The following CACNA2D2 variants were observed in gnomAD, a reference collection of about 807,000 sequenced individuals.
The protein encoded by CACNA2D2 is voltage-dependent calcium channel subunit alpha-2/delta-2.
A neutral mutation model predicts 166.4 loss-of-function variants in CACNA2D2; 48 were observed. That is an observed-to-expected ratio of 0.29 (90% CI 0.23 to 0.37). The LOEUF (loss-of-function observed/expected upper bound fraction) is 0.37, where lower values mean the gene tolerates loss of function less well. Among genes scored for constraint, CACNA2D2 ranks in the 10% least tolerant of loss-of-function variants. CACNA2D2 has a pLI of 1.00. For synonymous variants in CACNA2D2, 561 were observed against 573.7 expected (o/e 0.98, Z 0.32); for missense variants, 1,122 against 1,433.0 (o/e 0.78, Z 3.50).
At chr3:50,444,698 G>A (rs1575696183) in intron 2 of CACNA2D2, among the ~76,000 whole-genome samples, 1 of 152,222 alleles carries the variant, frequency 6.6e-6, no homozygotes, top group East Asian at 1.9e-4. Context: ...ATCACAGTAA[G>A]AGGTGCTGCT....
At chr3:50,465,994 T>C (rs904108174) in intron 2 of CACNA2D2, among the ~76,000 whole-genome samples, 3 of 152,184 alleles carry the variant, frequency 2.0e-5, no homozygotes, top group African/African-American at 7.2e-5. Flanking sequence ...AATGAGGCTC[T>C]GGCTCCTTGC....
chr3:50,503,053 G>A (rs1174263430), intron 1 of CACNA2D2, among the ~76,000 whole-genome samples, 165 bp downstream of exon 1: 1 of 152,160 alleles, frequency 6.6e-6, no homozygotes, highest in Non-Finnish European at 1.5e-5. Flanking sequence ...CCGGGACCGC[G>A]GCTGCCAGCC....
At position 50,431,193 on chromosome 3, in the gene CACNA2D2, T is replaced by C. The variant is rs41311613; in HGVS notation, c.405+3120A>G. Among the ~76,000 whole-genome samples the C allele has an allele frequency of 4.8e-3, 736 of 152,212 alleles. 3 individuals carry two copies. The highest frequency in any genetic ancestry group is 7.7e-3 in the Non-Finnish European group (526 of 68,018). On this transcript the variant is annotated intron_variant, in intron 3 of 37. Coordinates refer to ENST00000424201, the MANE Select transcript of CACNA2D2 (RefSeq NM_006030.4). ...CAGTCCCCCAACAGCCCTCCCTCCA[T>C]ATACACTCAGACTGCAAACAAATGT...
At chr3:50,434,868 C>T (rs1708238726) in intron 2 of CACNA2D2, among the ~76,000 whole-genome samples, 1 of 152,260 alleles carries the variant, frequency 6.6e-6, no homozygotes, top group African/African-American at 2.4e-5. Context: ...AAAGAAGATG[C>T]TCACGCCCAT....
intron 2 of CACNA2D2, among the ~76,000 whole-genome samples, chr3:50,463,938 CTG>C (rs1709703260): frequency 6.6e-6 from 1 of 152,234 alleles, no homozygotes; most frequent in Non-Finnish European, 1.5e-5. Flanking sequence ...CCCAGCGCAC[CTG>C]GCTCCTCAGA....
chr3:50,370,244 A>G (rs1485020375), intron 23 of CACNA2D2, 76 bp downstream of exon 23: 15 of 970,522 alleles, frequency 1.5e-5, no homozygotes, highest in South Asian at 1.1e-4. Flanking sequence ...ACAGAGCTCC[A>G]GGCAGCAGTG....
At chr3:50,440,704 C>CCCCCA (rs1392635978) in intron 2 of CACNA2D2, among the ~76,000 whole-genome samples, 1 of 152,100 alleles carries the variant, frequency 6.6e-6, no homozygotes, top group Non-Finnish European at 1.5e-5. Context: ...GCACTATCCT[C>CCCCCA]CCCCACCCCC....
chr3:50,490,452 A>G (rs957424228), intron 1 of CACNA2D2, among the ~76,000 whole-genome samples: 2 of 149,754 alleles, frequency 1.3e-5, no homozygotes, highest in Non-Finnish European at 2.9e-5. Context: ...CTCCCACCCC[A>G]TTAAATAATA....
intron 2 of CACNA2D2, among the ~76,000 whole-genome samples, chr3:50,448,135 C>G (rs1708938859): frequency 1.3e-5 from 2 of 152,186 alleles, no homozygotes; most frequent in Admixed American, 1.3e-4. Flanking sequence ...AGGTGGCAAC[C>G]ATGTGGCTCC....
chr3:50,432,702 G>A (rs1389510654), intron 3 of CACNA2D2, among the ~76,000 whole-genome samples: 1 of 152,238 alleles, frequency 6.6e-6, no homozygotes, highest in Admixed American at 6.5e-5. Context: ...CCTGAAGGGT[G>A]GGTGGAGCCC....
chr3:50,385,288 G>A (rs889044687), intron 5 of CACNA2D2, among the ~76,000 whole-genome samples: 70 of 152,234 alleles, frequency 4.6e-4, no homozygotes, highest in African/African-American at 1.6e-3. Context: ...AGCAAAGCTC[G>A]GGGGCTTCCT....
At chr3:50,397,769 C>T (rs1466156729) in intron 3 of CACNA2D2, among the ~76,000 whole-genome samples, 2 of 152,216 alleles carry the variant, frequency 1.3e-5, no homozygotes, top group African/African-American at 2.4e-5. Context: ...TTAGCCCTAT[C>T]AGACTGTGTT....
intron 1 of CACNA2D2, among the ~76,000 whole-genome samples, chr3:50,491,777 G>C (rs965999546): frequency 6.6e-6 from 1 of 152,170 alleles, no homozygotes; most frequent in Non-Finnish European, 1.5e-5. Flanking sequence ...CTGACCCTTG[G>C]ACAGCCCCAG....
intron 2 of CACNA2D2, among the ~76,000 whole-genome samples, chr3:50,450,399 G>A (rs1239567464): frequency 6.7e-6 from 1 of 150,334 alleles, no homozygotes; most frequent in Non-Finnish European, 1.5e-5. Flanking sequence ...TCTCCCAGGA[G>A]CTGCTAATTC....
chr3:50,416,802 G>A (rs977757236), intron 3 of CACNA2D2, among the ~76,000 whole-genome samples: 1 of 152,246 alleles, frequency 6.6e-6, no homozygotes, highest in Non-Finnish European at 1.5e-5. Flanking sequence ...TCTAGGTGCA[G>A]AGGTGAGGCA....
chr3:50,378,061 C>T lies in CACNA2D2; in HGVS notation c.1426G>A (p.Ala476Thr). 6.2e-7 allele frequency: 1 copy of T among 1,613,678 alleles called. No individual in the cohort carries two copies. Among genetic ancestry groups the T allele is most frequent in the Non-Finnish European group, 8.5e-7 (1 of 1,180,012 alleles). ...LDVLGRPMVL[A>T]GKEAKQVQWT... ...TGCACCTGCTTGGCCTCCTTGCCTG[C>T]CAGCACCATGGGCCTGCCCAACACA... Residue 476 changes from alanine (A) to threonine (T), a missense_variant, in exon 15 of 38, where the codon GCA (alanine) becomes ACA (threonine). Physicochemically the swap from Ala to Thr is moderately conservative, Grantham distance 58 (BLOSUM62 0). This residue lies in a region of CACNA2D2 where 840 missense variants were observed against 1,166.8 expected (regional missense o/e 0.72). Coordinates refer to ENST00000424201, the MANE Select transcript of CACNA2D2 (RefSeq NM_006030.4).
At chr3:50,477,172 G>A (rs911855982) in intron 1 of CACNA2D2, among the ~76,000 whole-genome samples, 9 of 151,588 alleles carry the variant, frequency 5.9e-5, no homozygotes, top group Admixed American at 5.3e-4. Flanking sequence ...CTTGTGATCC[G>A]CCTGTCTCAG....
chr3:50,431,769 G>A (rs147034076), intron 3 of CACNA2D2, among the ~76,000 whole-genome samples: 3,889 of 152,194 alleles, frequency 0.026, 179 homozygotes, highest in African/African-American at 0.089. Flanking sequence ...TGGATTACCT[G>A]AGGTCAGGAG....
chr3:50,483,868 T>C (rs1410853059), intron 1 of CACNA2D2, among the ~76,000 whole-genome samples: 1 of 152,188 alleles, frequency 6.6e-6, no homozygotes, highest in East Asian at 1.9e-4. Flanking sequence ...TTAATTCATC[T>C]GCATAGCAGC....
Sources: allele counts gnomAD v4.1 joint callset (sites outside exome capture counted in the v4.1 genomes callset), GRCh38; gene constraint gnomAD v4.1.1; regional missense constraint gnomAD v4.1.1; transcripts MANE v1.5; gene names NCBI Gene and HGNC (gene_info 2026-07-23, HGNC 2026-07-21).